RBM10: variants seen among roughly 807,000 people sequenced by gnomAD.
RBM10 encodes RNA-binding protein 10.
In RBM10, 1 loss-of-function variant was observed where a neutral mutation model predicts 84.9. The observed-to-expected ratio is 0.01, with a 90% CI of 0.00 to 0.06. The LOEUF is 0.06. Among genes scored for constraint, RBM10 ranks in the 10% least tolerant of loss-of-function variants. RBM10 has a pLI of 1.00. For missense variants in RBM10, 438 were observed against 839.0 expected (o/e 0.52, Z 5.90); for synonymous variants, 326 against 344.5 (o/e 0.95, Z 0.60).
intron 7 of RBM10, 49 bp from the exon 8 acceptor site, chrX:47,179,054 G>A (rs2147163765): frequency 8.4e-7 from 1 of 1,189,928 alleles, no homozygotes; most frequent in Non-Finnish European, 1.1e-6. Flanking sequence ...TTTGGAGGGT[G>A]CAGTGGGAAA....
chrX:47,173,091 G>T (rs1365810080), intron 4 of RBM10, 37 bp from the exon 5 acceptor site: 47 of 1,210,409 alleles, frequency 3.9e-5, no homozygotes, highest in Non-Finnish European at 5.1e-5. Flanking sequence ...CGGCCCCATT[G>T]TGCTGAGCCT....
chrX:47,170,062 A>G (rs782391806), intron 3 of RBM10, among the ~76,000 whole-genome samples: 16 of 113,307 alleles, frequency 1.4e-4, no homozygotes, highest in Non-Finnish European at 2.6e-4. Flanking sequence ...CCCGAGGGGA[A>G]GAAACAGGCT....
intron 12 of RBM10, 21 bp from the exon 13 acceptor site, chrX:47,181,194 C>T (rs2147183380): frequency 1.2e-6 from 1 of 859,218 alleles, no homozygotes; most frequent in Non-Finnish European, 1.5e-6. Flanking sequence ...TTCTAATGAA[C>T]CCCTCCCACC....
rs1163706666 is a variant in RBM10, at chrX:47,171,085, A to C, written c.259A>C (p.Arg87=). The C allele has an allele frequency of 5.0e-6, 6 of 1,210,983 alleles. No homozygotes were observed. Among genetic ancestry groups the C allele is most frequent in the African/African-American group, 1.7e-5 (1 of 57,804 alleles). Reference sequence around the variant, plus strand: ...TCAGCGTAGGCGGCGGCGGCGGCACAGGCACAGCCCCACCGGCCCGCCAGG... The same window carrying C: ...TCAGCGTAGGCGGCGGCGGCGGCACCGGCACAGCCCCACCGGCCCGCCAGG... ...ETQRRRRRRH[R]HSPTGPPGFP... Residue 87 remains arginine, a synonymous_variant, in exon 4 of 24, where the codon AGG becomes CGG. Coordinates refer to ENST00000377604, the MANE Select transcript of RBM10 (RefSeq NM_005676.5).
chrX:47,173,600 A>T (rs1228319200), intron 5 of RBM10, among the ~76,000 whole-genome samples: 1 of 112,341 alleles, frequency 8.9e-6, no homozygotes, highest in Non-Finnish European at 1.9e-5. Flanking sequence ...CTCTGACCAG[A>T]AAGTAGCTCT....
At position 47,149,739 on chromosome X, in the gene RBM10, T is replaced by C. The variant is rs148409250; in HGVS notation, c.17+2241T>C. ...TTTCTAATTGCTGGCAAGGGCATCATGGGGCATGTCTACTGAGTTTTACTT... is the reference window on the plus strand; with the variant it reads ...TTTCTAATTGCTGGCAAGGGCATCACGGGGCATGTCTACTGAGTTTTACTT... On this transcript the variant is annotated intron_variant, in intron 2 of 23. Coordinates refer to ENST00000377604, the MANE Select transcript of RBM10 (RefSeq NM_005676.5). 4.5e-3 allele frequency among the ~76,000 whole-genome samples: 501 copies of C among 111,686 alleles called. 7 individuals carry two copies. The highest frequency in any genetic ancestry group is 0.038 in the Admixed American group (399 of 10,423).
chrX:47,173,380 A>C (rs782205822), intron 5 of RBM10, among the ~76,000 whole-genome samples, 183 bp downstream of exon 5: 22 of 111,286 alleles, frequency 2.0e-4, no homozygotes, highest in South Asian at 7.5e-4. Flanking sequence ...CTCCAGCCAA[A>C]AGCCTCTTCA....
chrX:47,162,955 A>G (rs1436272028), intron 2 of RBM10, among the ~76,000 whole-genome samples: 3 of 109,888 alleles, frequency 2.7e-5, no homozygotes, highest in African/African-American at 6.6e-5. Flanking sequence ...CTAGGTGATC[A>G]TGGTTAACAT....
intron 2 of RBM10, among the ~76,000 whole-genome samples, chrX:47,154,886 G>A (rs1166187224): frequency 2.8e-5 from 3 of 108,786 alleles, no homozygotes; most frequent in Non-Finnish European, 3.8e-5. Context: ...GGTGGCTCAC[G>A]CCTGTAATCC....
intron 2 of RBM10, among the ~76,000 whole-genome samples, chrX:47,153,266 T>C (rs1169959505): frequency 8.9e-6 from 1 of 112,322 alleles, no homozygotes; most frequent in Admixed American, 9.5e-5. Flanking sequence ...TTTTATTCTA[T>C]ATAAAGCCCA....
Position 47,185,712 on chromosome X carries a change from G to C in RBM10, c.2356-4G>C, listed in dbSNP as rs1556782123. On this transcript the variant is annotated splice_polypyrimidine_tract_variant and splice_region_variant and intron_variant, in intron 20 of 23. Coordinates refer to ENST00000377604, the MANE Select transcript of RBM10 (RefSeq NM_005676.5). Reference sequence around the variant, plus strand: ...CTTCACTTCTCATCCTGTCCCTCTTGCAGCAAAACCTTGAGATTCACCGGC... The same window carrying C: ...CTTCACTTCTCATCCTGTCCCTCTTCCAGCAAAACCTTGAGATTCACCGGC... 8.3e-7 allele frequency: 1 copy of C among 1,211,510 alleles called. No homozygotes were observed.
At chrX:47,158,895 C>T (rs782740456) in intron 2 of RBM10, among the ~76,000 whole-genome samples, 2 of 112,578 alleles carry the variant, frequency 1.8e-5, no homozygotes, top group Non-Finnish European at 3.8e-5. Context: ...CAACATTTAA[C>T]TCCCATTTAT....
At chrX:47,184,625 ACT>A (rs1304118997) in intron 17 of RBM10, among the ~76,000 whole-genome samples, 1 of 104,099 alleles carries the variant, frequency 9.6e-6, no homozygotes, top group African/African-American at 3.5e-5. Context: ...CTCAGCTTCC[ACT>A]CATCTGCCTC....
intron 8 of RBM10, 39 bp from the exon 9 acceptor site, chrX:47,179,280 T>C (rs1010963049): frequency 1.7e-6 from 2 of 1,186,692 alleles, no homozygotes; most frequent in Non-Finnish European, 1.1e-6. Context: ...CGTGGAGCCT[T>C]CCCCTTATCA....
chrX:47,181,183 G>C (rs1556778962), intron 12 of RBM10, 32 bp from the exon 13 acceptor site: 17 of 930,010 alleles, frequency 1.8e-5, no homozygotes, highest in African/African-American at 2.6e-5. Flanking sequence ...ACACCTTCCT[G>C]TTCTAATGAA....
rs1288458704 is a variant in RBM10, at chrX:47,181,740, C to T, written c.1576-9C>T. On this transcript the variant is annotated splice_polypyrimidine_tract_variant and intron_variant, in intron 14 of 23. Transcript: ENST00000377604. The stretch of plus-strand genomic sequence containing the variant: ...TGAGCCCTGTTCTCCTGTCTGGCCC[C>T]ATGACCAGTCGTATACCATCATGTC... 1 of 1,210,796 alleles carries T rather than the reference C, an allele frequency of 8.3e-7. No homozygotes were observed. The highest frequency in any genetic ancestry group is 1.1e-6 in the Non-Finnish European group (1 of 895,338).
rs1556779896 is a variant in RBM10 at position 47,181,866 on chromosome X, C to T, written c.1693C>T (p.Pro565Ser). Residue 565 changes from proline to serine, a missense_variant and splice_region_variant, in exon 15 of 24, where the codon CCT becomes TCT. By Grantham distance (74) the Pro-to-Ser change is moderately conservative (BLOSUM62 -1). Transcript: ENST00000377604. ...PTAQESYSQY[P>S]VPDVSTYQYD... ...TGCCCAGGAATCCTACAGCCAGTAC[C>T]GTGAGTAGCCACAGCCTGTGGGTAG... is the stretch of plus-strand genomic sequence containing the variant. 4 of 1,211,673 alleles carry T rather than the reference C, an allele frequency of 3.3e-6. No homozygotes were observed. Among genetic ancestry groups the T allele is most frequent in the South Asian group, 3.5e-5 (2 of 57,000 alleles).
At chrX:47,164,124 C>G (rs1448718815) in intron 2 of RBM10, among the ~76,000 whole-genome samples, 1 of 110,242 alleles carries the variant, frequency 9.1e-6, no homozygotes, top group Non-Finnish European at 1.9e-5. Context: ...CCACATTGGC[C>G]TCCCAAAGTG....
chrX:47,185,438 A>G lies in RBM10; in HGVS notation c.2167-4A>G, dbSNP rs1556781804. 1.7e-6 allele frequency: 2 copies of G among 1,174,222 alleles called. No homozygotes were observed. The highest frequency in any genetic ancestry group is 2.5e-5 in the Admixed American group (1 of 39,678). ...GCCTGACCGCCCACCCTCACCCTCT[A>G]CAGAGCCCTCCGCGAGGACTGGTGG... On this transcript the variant is annotated splice_region_variant and splice_polypyrimidine_tract_variant and intron_variant, in intron 19 of 23. Transcript: ENST00000377604.
Sources: allele counts gnomAD v4.1 joint callset (sites outside exome capture counted in the v4.1 genomes callset), GRCh38; gene constraint gnomAD v4.1.1; transcripts MANE v1.5; gene names NCBI Gene and HGNC (gene_info 2026-07-23, HGNC 2026-07-21).